The following CEP85 variants were observed in gnomAD, a reference collection of about 807,000 sequenced individuals.
The protein encoded by CEP85 is centrosomal protein 85.
CEP85 carries 58 observed loss-of-function variants against 93.7 expected under a neutral mutation model. That is an observed-to-expected ratio of 0.62 (90% CI 0.50 to 0.77). The LOEUF (loss-of-function observed/expected upper bound fraction) is 0.77. Ranked by LOEUF, CEP85 falls within the 30% of genes least tolerant of loss-of-function variation. The pLI is 0.00. For missense variants in CEP85, 868 were observed against 922.0 expected (o/e 0.94, Z 0.76); for synonymous variants, 314 against 338.6 (o/e 0.93, Z 0.80).
At chr1:26,268,425 T>C in intron 7 of CEP85, 58 bp from the exon 8 acceptor site, 1 of 1,604,934 alleles carries the variant, frequency 6.2e-7, no homozygotes, top group Non-Finnish European at 8.5e-7. Context: ...AGCACTGCAC[T>C]CCAGCAGGGT....
At chr1:26,255,130 C>G (rs761181256) in intron 3 of CEP85, 41 bp from the exon 4 acceptor site, 2 of 1,528,260 alleles carry the variant, frequency 1.3e-6, no homozygotes, top group Admixed American at 1.7e-5. Context: ...AGAAAGCTTG[C>G]TACTTCAATT....
intron 9 of CEP85, among the ~76,000 whole-genome samples, chr1:26,270,617 G>T (rs1247340920): frequency 6.6e-6 from 1 of 152,310 alleles, no homozygotes; most frequent in Non-Finnish European, 1.5e-5. Context: ...GTCAGAAGTG[G>T]GGTTAGAGGA....
Position 26,236,525 on chromosome 1 carries a change from A to AAATCCC in CEP85, c.-23+2217_-23+2218insTCCCAA, listed in dbSNP as rs1484995845. ...AATTTCTGTCTCCTTCAGTTGTCCC[A>AAATCCC]AAAATTTCCACCAGTAGCTCATCTA... On this transcript the variant is annotated intron_variant, in intron 1 of 13. Transcript: ENST00000451429. Among the ~76,000 whole-genome samples, 5 of 152,304 alleles carry AAATCCC rather than the reference A, an allele frequency of 3.3e-5. No homozygotes were observed. The East Asian group carries it at 9.6e-4, about 29-fold the overall frequency.
rs1023216770 is a variant in CEP85, at chr1:26,234,242, C to T, written c.-91C>T. The T allele has an allele frequency of 2.0e-5, 3 of 152,266 alleles. No homozygotes were observed. The highest frequency in any genetic ancestry group is 7.2e-5 in the African/African-American group (3 of 41,462). The allele number at this position is 152,266 out of a possible 1,614,324, so 9.4% of individuals were successfully genotyped here. On this transcript the variant is annotated 5_prime_UTR_variant, in exon 1 of 14. Coordinates refer to ENST00000451429, the MANE Select transcript of CEP85 (RefSeq NM_001319944.2). ...GGAGCTGAGGGAGGGAACCACCGCTCACCGCAGACGTGGTGGCTGCAGTCA... is the reference window on the plus strand; with the variant it reads ...GGAGCTGAGGGAGGGAACCACCGCTTACCGCAGACGTGGTGGCTGCAGTCA...
chr1:26,241,623 T>C (rs970607158), intron 2 of CEP85, among the ~76,000 whole-genome samples: 16 of 152,182 alleles, frequency 1.1e-4, no homozygotes, highest in African/African-American at 3.4e-4. Flanking sequence ...ATTATGTATA[T>C]AATGCAAGTT....
intron 11 of CEP85, among the ~76,000 whole-genome samples, chr1:26,273,934 T>TAAATAAATAAA (rs777935042): frequency 0.012 from 1,252 of 107,800 alleles, 16 homozygotes; most frequent in African/African-American, 0.026. Context: ...ATAAATAAAA[T>TAAATAAATAAA]ATATATATAT....
intron 7 of CEP85, 101 bp downstream of exon 7, chr1:26,259,903 A>G (rs923895581): frequency 3.4e-6 from 3 of 881,092 alleles, no homozygotes; most frequent in Non-Finnish European, 5.1e-6. Flanking sequence ...AGAGGAGACA[A>G]TTGGGTGAGA....
chr1:26,255,203 C>T lies in CEP85; in HGVS notation c.241C>T (p.Gln81Ter). The change falls in exon 4 of 14, where the codon CAG becomes TAG. Residue 81 changes from glutamine (Q) to a stop codon, truncating the protein, a stop_gained. Coordinates refer to ENST00000451429, the MANE Select transcript of CEP85 (RefSeq NM_001319944.2). LOFTEE classifies it high-confidence loss of function. ...FCSSSGSPPF[Q>*]PIKSHVTIPT... ...CAGCTCAAGTGGCAGTCCTCCTTTC[C>T]AGCCCATCAAAAGCCACGTAACCAT... The T allele has an allele frequency of 6.2e-7, 1 of 1,614,078 alleles. No homozygotes were observed. The highest frequency in any genetic ancestry group is 1.1e-5 in the South Asian group (1 of 91,086).
chr1:26,252,560 C>CT (rs1291159622), intron 3 of CEP85, among the ~76,000 whole-genome samples: 1 of 151,972 alleles, frequency 6.6e-6, no homozygotes, highest in Admixed American at 6.6e-5. Context: ...AATTGTATTG[C>CT]TTACTAGTCT....
At chr1:26,253,382 T>C (rs1334904597) in intron 3 of CEP85, among the ~76,000 whole-genome samples, 1 of 150,780 alleles carries the variant, frequency 6.6e-6, no homozygotes, top group Non-Finnish European at 1.5e-5. Flanking sequence ...AAACTTGTTA[T>C]CTTTCATCTT....
At chr1:26,269,310 G>T in intron 8 of CEP85, 150 bp from the exon 9 acceptor site, 1 of 685,210 alleles carries the variant, frequency 1.5e-6, no homozygotes, top group East Asian at 2.7e-5. Context: ...CCATCTGCGA[G>T]GAGCACCCTT....
At chr1:26,263,218 T>C in intron 7 of CEP85, 1 of 294,718 alleles carries the variant, frequency 3.4e-6, no homozygotes, top group Non-Finnish European at 6.6e-6. Context: ...CACCAAGAAA[T>C]ACCCACCTCT....
intron 7 of CEP85, chr1:26,263,156 T>C (rs1159786047): frequency 4.2e-6 from 1 of 239,798 alleles, no homozygotes; most frequent in African/African-American, 2.3e-5. Flanking sequence ...TCTACATCTC[T>C]AGACAAGTGC....
chr1:26,273,258 G>A (rs12092735), intron 11 of CEP85, among the ~76,000 whole-genome samples: 1,893 of 152,208 alleles, frequency 0.012, 41 homozygotes, highest in African/African-American at 0.043. Flanking sequence ...GAAATTCTGG[G>A]TAAAGCAGGT....
At chr1:26,240,218 A>G (rs990637291) in intron 2 of CEP85, among the ~76,000 whole-genome samples, 4 of 152,210 alleles carry the variant, frequency 2.6e-5, no homozygotes, top group Non-Finnish European at 4.4e-5. Context: ...TTGGATGCCA[A>G]CAGATTCCGT....
Position 26,235,940 on chromosome 1 carries a change from A to G in CEP85, c.-23+1630A>G, listed in dbSNP as rs910827603. Reference sequence around the variant, plus strand: ...GTCAAAATCTAATTCTTGGGTAGCAACTTGAGAAATAAAGCCTAGGTGATG... The same window carrying G: ...GTCAAAATCTAATTCTTGGGTAGCAGCTTGAGAAATAAAGCCTAGGTGATG... On this transcript the variant is annotated intron_variant, in intron 1 of 13. Coordinates refer to ENST00000451429, the MANE Select transcript of CEP85 (RefSeq NM_001319944.2). Among the ~76,000 whole-genome samples the G allele has an allele frequency of 2.6e-5, 4 of 152,238 alleles. No individual in the cohort carries two copies. The South Asian group carries it at 6.2e-4, about 24-fold the overall frequency.
chr1:26,271,032 T>C lies in CEP85; in HGVS notation c.1668T>C (p.Ser556=), dbSNP rs1298580409. 14 of 1,612,124 alleles carry C rather than the reference T, an allele frequency of 8.7e-6. No homozygotes were observed. The highest frequency in any genetic ancestry group is 1.2e-5 in the Non-Finnish European group (14 of 1,178,292). The stretch of plus-strand genomic sequence containing the variant: ...CTTTCAGCCTGCAAGATAAACAGTC[T>C]GTGGAGGAGACCAGTGGAGAAGGTC... The part of the protein sequence containing the change: ...SAGHSLQDKQ[S]VEETSGEGPE... The change falls in exon 10 of 14, where the codon TCT becomes TCC. Residue 556 remains serine (S), a synonymous_variant. Coordinates refer to ENST00000451429, the MANE Select transcript of CEP85 (RefSeq NM_001319944.2).
chr1:26,235,567 CTTTTTTT>C (rs1192252673), intron 1 of CEP85, among the ~76,000 whole-genome samples: 2 of 95,586 alleles, frequency 2.1e-5, no homozygotes, highest in Non-Finnish European at 3.9e-5. Flanking sequence ...GATTGTAATT[CTTTTTTT>C]TTTTTTTTTT....
intron 9 of CEP85, 37 bp from the exon 10 acceptor site, chr1:26,270,977 T>C: frequency 7.6e-7 from 1 of 1,310,930 alleles, no homozygotes; most frequent in Non-Finnish European, 1.1e-6. Context: ...CACTTGTGTC[T>C]AACTTCAGAG....
Sources: allele counts gnomAD v4.1 joint callset (sites outside exome capture counted in the v4.1 genomes callset), GRCh38; gene constraint gnomAD v4.1.1; transcripts MANE v1.5; gene names NCBI Gene and HGNC (gene_info 2026-07-23, HGNC 2026-07-21).